The following ADAMTS6 variants were observed in gnomAD, a reference collection of about 807,000 sequenced individuals.
ADAMTS6 encodes the protein A disintegrin and metalloproteinase with thrombospondin motifs 6.
A neutral mutation model predicts 144.3 loss-of-function variants in ADAMTS6; 23 were observed. The observed-to-expected ratio is 0.16, with a 90% confidence interval of 0.11 to 0.23. The LOEUF is 0.23. Ranked by LOEUF, ADAMTS6 falls within the 10% of genes least tolerant of loss-of-function variation. The pLI, the probability that ADAMTS6 is intolerant of heterozygous loss-of-function variation, is 1.00. For missense variants in ADAMTS6, 999 were observed against 1,379.6 expected, an observed-to-expected ratio of 0.72 and a Z score of 4.37; for synonymous variants, 444 against 457.5, an observed-to-expected ratio of 0.97 and a Z score of 0.38.
At chr5:65,307,688 C>T (rs1454182041) in intron 9 of ADAMTS6, among the ~76,000 whole-genome samples, 7 of 152,162 alleles carry the variant, frequency 4.6e-5, no homozygotes, top group Non-Finnish European at 1.0e-4. Flanking sequence ...AGGTCATTAG[C>T]TTTGTAGAGC....
At chr5:65,463,012 G>A (rs1237814415) in intron 3 of ADAMTS6, among the ~76,000 whole-genome samples, 6 of 151,648 alleles carry the variant, frequency 4.0e-5, no homozygotes, top group Non-Finnish European at 8.8e-5. Flanking sequence ...CCTGGGAGGC[G>A]GAGGTTGCAG....
chr5:65,477,177 G>C (rs895882467), intron 1 of ADAMTS6, among the ~76,000 whole-genome samples: 2 of 151,966 alleles, frequency 1.3e-5, no homozygotes, highest in Admixed American at 1.3e-4. Context: ...AAGTATAATT[G>C]TCACCTTTTG....
intron 24 of ADAMTS6, among the ~76,000 whole-genome samples, chr5:65,159,103 G>A (rs566548473): frequency 1.2e-4 from 18 of 152,148 alleles, no homozygotes; most frequent in African/African-American, 4.1e-4. Context: ...TCATCTCCAT[G>A]TCTAACTGTT....
At chr5:65,291,873 C>A (rs944540182) in intron 10 of ADAMTS6, among the ~76,000 whole-genome samples, 1 of 151,904 alleles carries the variant, frequency 6.6e-6, no homozygotes, top group Non-Finnish European at 1.5e-5. Context: ...TGGTTATAAT[C>A]CTTAAAGACC....
chr5:65,174,020 CA>C (rs33956781), intron 22 of ADAMTS6, among the ~76,000 whole-genome samples: 10,446 of 141,452 alleles, frequency 0.074, 1,188 homozygotes, highest in African/African-American at 0.25. Context: ...GATTCTGTCT[CA>C]AAAAAAAAAA....
chr5:65,376,597 C>G (rs150872616), intron 7 of ADAMTS6, among the ~76,000 whole-genome samples: 7 of 152,210 alleles, frequency 4.6e-5, no homozygotes, highest in Non-Finnish European at 8.8e-5. Context: ...TTTGGGAGGC[C>G]AAGGCAGGTG....
At chr5:65,161,796 A>G (rs1357380531) in intron 24 of ADAMTS6, among the ~76,000 whole-genome samples, 2 of 152,238 alleles carry the variant, frequency 1.3e-5, no homozygotes, top group Admixed American at 1.3e-4. Context: ...AGGGAACACA[A>G]AACAAGTTAT....
At chr5:65,276,151 A>G (rs1051612525) in intron 11 of ADAMTS6, among the ~76,000 whole-genome samples, 1 of 152,198 alleles carries the variant, frequency 6.6e-6, no homozygotes, top group African/African-American at 2.4e-5. Context: ...TGCTTAAGAT[A>G]CTTTTTTCAA....
At position 65,173,002 on chromosome 5, in the gene ADAMTS6, G is replaced by T; in HGVS notation, c.2917C>A (p.Pro973Thr). ...WVALDWSECT[P>T]KCGPGFKHRI... ...TGCTTGAATCCTGGACCACATTTTG[G>T]AGTACACTGGAAATAAAACAAATAG... Residue 973 changes from proline (P) to threonine (T), a missense_variant, in exon 23 of 25, where the codon CCA becomes ACA. Around this residue, in one of 3 missense-constraint regions of ADAMTS6, gnomAD observed 619 missense variants for 837.0 expected, o/e 0.74. Transcript: ENST00000381055. 6.2e-7 allele frequency: 1 copy of T among 1,612,318 alleles called. No homozygotes were observed. Among genetic ancestry groups the T allele is most frequent in the Non-Finnish European group, 8.5e-7 (1 of 1,179,450 alleles).
chr5:65,155,878 G>A (rs569253870), intron 24 of ADAMTS6, among the ~76,000 whole-genome samples: 1 of 152,066 alleles, frequency 6.6e-6, no homozygotes, highest in Non-Finnish European at 1.5e-5. Flanking sequence ...TTAGAGAAGG[G>A]GATCTATGTT....
At chr5:65,291,552 T>C in intron 10 of ADAMTS6, 82 bp from the exon 11 acceptor site, 2 of 1,397,980 alleles carry the variant, frequency 1.4e-6, no homozygotes, top group East Asian at 2.5e-5. Context: ...TGTTGAGCTT[T>C]GTTTTAATAA....
At chr5:65,172,506 G>C (rs533716382) in intron 23 of ADAMTS6, among the ~76,000 whole-genome samples, 1 of 152,088 alleles carries the variant, frequency 6.6e-6, no homozygotes, top group Non-Finnish European at 1.5e-5. Context: ...TCAGTTGACA[G>C]CTGGGACTAG....
chr5:65,272,928 C>CAAA (rs775273661), intron 12 of ADAMTS6, among the ~76,000 whole-genome samples: 1 of 81,212 alleles, frequency 1.2e-5, no homozygotes. Flanking sequence ...GACCCTGTCT[C>CAAA]AAAAAAAAAA....
Position 65,451,532 on chromosome 5 carries a change from C to T in ADAMTS6, c.1016G>A (p.Gly339Glu), listed in dbSNP as rs770159566. ...QKSILSHQSD[G>E]NTIPENGIAH... ...AATCCCATTTTCTGGAATGGTGTTTCCATCACTTTGGTGGGAGAGAATGGA... is the reference window on the plus strand; with the variant it reads ...AATCCCATTTTCTGGAATGGTGTTTTCATCACTTTGGTGGGAGAGAATGGA... The change falls in exon 7 of 25, where the codon GGA becomes GAA. Residue 339 changes from glycine (G) to glutamate (E), a missense_variant. Physicochemically the swap from Gly to Glu is moderately conservative, Grantham distance 98. This residue lies in a region of ADAMTS6 where 128 missense variants were observed against 249.0 expected (regional missense o/e 0.51). Transcript: ENST00000381055. 6.2e-7 allele frequency: 1 copy of T among 1,613,640 alleles called. No individual in the cohort carries two copies. Among genetic ancestry groups the T allele is most frequent in the Admixed American group, 1.7e-5 (1 of 59,924 alleles).
intron 10 of ADAMTS6, 35 bp downstream of exon 10, chr5:65,299,950 G>C (rs764663798): frequency 6.3e-7 from 1 of 1,595,254 alleles, no homozygotes; most frequent in South Asian, 1.1e-5. Flanking sequence ...CTTACTTCTG[G>C]AGCTATTTAT....
intron 4 of ADAMTS6, among the ~76,000 whole-genome samples, chr5:65,456,658 G>T (rs745715270): frequency 6.6e-6 from 1 of 152,002 alleles, no homozygotes; most frequent in African/African-American, 2.4e-5. Context: ...TTGCATACGG[G>T]TACTAAATGA....
chr5:65,168,751 C>G (rs1753393958), intron 24 of ADAMTS6, among the ~76,000 whole-genome samples: 1 of 145,146 alleles, frequency 6.9e-6, no homozygotes, highest in Non-Finnish European at 1.5e-5. Flanking sequence ...ACTATCTGAT[C>G]TTTGACAAAC....
At chr5:65,219,538 G>C (rs147012693) in intron 18 of ADAMTS6, among the ~76,000 whole-genome samples, 3 of 152,112 alleles carry the variant, frequency 2.0e-5, no homozygotes, top group African/African-American at 7.2e-5. Flanking sequence ...AGACAGCTGG[G>C]GTAGCTAGAT....
intron 7 of ADAMTS6, among the ~76,000 whole-genome samples, chr5:65,394,124 C>T (rs1353853194): frequency 6.6e-6 from 1 of 152,124 alleles, no homozygotes; most frequent in Non-Finnish European, 1.5e-5. Context: ...ATGTTTCTTT[C>T]CCTTGATTCT....
Sources: gnomAD v4.1 joint callset for allele counts (sites outside exome capture counted in the v4.1 genomes callset) on GRCh38, gnomAD v4.1.1 for gene constraint, gnomAD v4.1.1 regional missense constraint, MANE v1.5 for transcripts, NCBI Gene and HGNC (gene_info 2026-07-23, HGNC 2026-07-21) for gene names.